The following ANGPTL5 variants were observed in gnomAD, a reference collection of about 807,000 sequenced individuals.
The protein encoded by ANGPTL5 is angiopoietin-related protein 5.
Under a neutral mutation model 39.4 loss-of-function variants are expected in ANGPTL5, and 34 were observed. The ratio of observed to expected loss-of-function variants is 0.86; its 90% CI spans 0.66 to 1.15. The LOEUF is 1.15. Ranked by LOEUF, ANGPTL5 falls within the 50% of genes most tolerant of loss-of-function variation. ANGPTL5 has a pLI of 0.00. For missense variants in ANGPTL5, 467 were observed against 457.5 expected (o/e 1.02, Z -0.19); for synonymous variants, 146 against 152.1 (o/e 0.96, Z 0.29).
At position 101,915,119 on chromosome 11, in the gene ANGPTL5, G is replaced by C. The variant is rs1940171529; in HGVS notation, c.-93+900C>G. 3.8e-6 allele frequency: 4 copies of C among 1,055,922 alleles called. No individual in the cohort carries two copies. In the African/African-American group the frequency reaches 6.4e-5, roughly 17 times the overall value. 65.4% of individuals were successfully genotyped at this position (1,055,922 alleles called of 1,614,324 possible). ...GCTGCCATCGCCGCTACAGGCACCA[G>C]TGCCGCTGCGCGGGAGCTAGGGCTG... On this transcript the variant is annotated intron_variant, in intron 1 of 8. Coordinates refer to ENST00000334289, the MANE Select transcript of ANGPTL5 (RefSeq NM_178127.5).
chr11:101,916,396 T>C lies in ANGPTL5; in HGVS notation c.-470A>G, dbSNP rs1416467106. The C allele has an allele frequency of 6.6e-6, 1 of 152,214 alleles. No individual in the cohort carries two copies. Among genetic ancestry groups the C allele is most frequent in the Non-Finnish European group, 1.5e-5 (1 of 68,024 alleles). 9.4% of individuals were successfully genotyped at this position (152,214 alleles called of 1,614,324 possible). A position where few individuals can be genotyped will look rare whatever the true frequency, so the allele number is the denominator to read the frequency against. On this transcript the variant is annotated 5_prime_UTR_variant, in exon 1 of 9. Transcript: ENST00000334289. ...GAGGAAGACAAATGTGTATAGAGCT[T>C]CACTAAAAGTAAAATATCTCTTCTC... is the stretch of plus-strand genomic sequence containing the variant.
In ANGPTL5 at chr11:101,891,013, A is replaced by C. The variant is rs190380747; in HGVS notation, c.*266T>G. 943 of 261,624 alleles carry C rather than the reference A, an allele frequency of 3.6e-3. 2 individuals are homozygous for C. The highest frequency in any genetic ancestry group is 5.4e-3 in the Non-Finnish European group (741 of 138,250). 16.2% of individuals were successfully genotyped at this position (261,624 alleles called of 1,614,324 possible). A position where few individuals can be genotyped will look rare whatever the true frequency, so the allele number is the denominator to read the frequency against. ...GGCAAAATCCTTTAAAATCACTATA[A>C]ATTTTAGGAAGACAAGTTGTAGTTC... On this transcript the variant is annotated 3_prime_UTR_variant, in exon 9 of 9. Transcript: ENST00000334289.
intron 5 of ANGPTL5, 141 bp downstream of exon 5, chr11:101,904,673 T>A (rs1187327601): frequency 1.1e-5 from 8 of 701,908 alleles, no homozygotes; most frequent in Non-Finnish European, 1.5e-5. Flanking sequence ...ATTTGCTTAA[T>A]AGCAGGTATT....
At chr11:101,914,378 C>G (rs188407356) in intron 1 of ANGPTL5, among the ~76,000 whole-genome samples, 15 of 152,322 alleles carry the variant, frequency 9.8e-5, no homozygotes, top group Admixed American at 3.3e-4. Flanking sequence ...AAAACCATTT[C>G]AATGCGATGA....
At position 101,891,434 on chromosome 11, in the gene ANGPTL5, A is replaced by G. The variant is rs767499869; in HGVS notation, c.1012T>C (p.Cys338Arg). Residue 338 changes from cysteine (C) to arginine (R), a missense_variant, in exon 9 of 9, where the codon TGT (cysteine) becomes CGT (arginine). Coordinates refer to ENST00000334289, the MANE Select transcript of ANGPTL5 (RefSeq NM_178127.5). Reference protein sequence around the residue: ...HNKTGWWFNECGLANLNGIHH... With the variant: ...HNKTGWWFNERGLANLNGIHH... ...ATGCCATTTAGATTTGCTAGACCAC[A>G]CTCGTTAAACCACCAGCCGGTCTTG... is the stretch of plus-strand genomic sequence containing the variant. 6.2e-7 allele frequency: 1 copy of G among 1,613,828 alleles called. No homozygotes were observed. The highest frequency in any genetic ancestry group is 8.5e-7 in the Non-Finnish European group (1 of 1,179,970).
chr11:101,906,976 T>G, intron 3 of ANGPTL5, 127 bp downstream of exon 3: 1 of 696,940 alleles, frequency 1.4e-6, no homozygotes, highest in Non-Finnish European at 2.3e-6. Flanking sequence ...ACAATAAAGC[T>G]TCTGGCCTAG....
At chr11:101,905,351 C>T (rs992172342) in intron 4 of ANGPTL5, among the ~76,000 whole-genome samples, 2 of 152,174 alleles carry the variant, frequency 1.3e-5, no homozygotes, top group African/African-American at 4.8e-5. Context: ...AGCCACTCCA[C>T]CCTGTACCAA....
At chr11:101,911,455 C>A (rs1279821248) in intron 1 of ANGPTL5, among the ~76,000 whole-genome samples, 1 of 152,050 alleles carries the variant, frequency 6.6e-6, no homozygotes, top group African/African-American at 2.4e-5. Flanking sequence ...AAACTGTAAT[C>A]CCCAATGTTG....
intron 1 of ANGPTL5, 37 bp downstream of exon 1, chr11:101,915,982 T>G (rs563593316): frequency 6.6e-6 from 1 of 152,398 alleles, no homozygotes; most frequent in African/African-American, 2.4e-5. Flanking sequence ...CAATCTGGAT[T>G]AACTCTGACT....
chr11:101,908,140 C>A, intron 1 of ANGPTL5, 139 bp from the exon 2 acceptor site: 1 of 409,816 alleles, frequency 2.4e-6, no homozygotes, highest in Non-Finnish European at 4.5e-6. Flanking sequence ...TTTTTTATCA[C>A]TTCATGTCTG....
rs1939759505 is a variant in ANGPTL5, at chr11:101,894,694, G to A, written c.847+185C>T. On this transcript the variant is annotated intron_variant, in intron 8 of 8. Transcript: ENST00000334289. ...AGACTATAAAGCACTTCAGAAGCATGAGGTAGTACAATGATCATAACAAAG... is the reference window on the plus strand; with the variant it reads ...AGACTATAAAGCACTTCAGAAGCATAAGGTAGTACAATGATCATAACAAAG... Among the ~76,000 whole-genome samples the A allele has an allele frequency of 3.3e-5, 5 of 152,306 alleles. No homozygotes were observed. The South Asian group carries it at 1.0e-3, about 32-fold the overall frequency.
intron 5 of ANGPTL5, among the ~76,000 whole-genome samples, chr11:101,903,412 T>C (rs2137059226): frequency 6.6e-6 from 1 of 152,314 alleles, no homozygotes; most frequent in African/African-American, 2.4e-5. Context: ...GCATCTTTTA[T>C]AAGTGAAATA....
At chr11:101,915,273 C>G in intron 1 of ANGPTL5, 1 of 1,613,236 alleles carries the variant, frequency 6.2e-7, no homozygotes, top group Non-Finnish European at 8.5e-7. Context: ...ACAGGCGGCG[C>G]TGAAGTGAAG....
At chr11:101,900,360 C>T in intron 7 of ANGPTL5, 70 bp downstream of exon 7, 1 of 1,490,274 alleles carries the variant, frequency 6.7e-7, no homozygotes, top group South Asian at 1.1e-5. Flanking sequence ...CAGATCTGAC[C>T]AATAGAGGCT....
intron 4 of ANGPTL5, among the ~76,000 whole-genome samples, chr11:101,905,437 T>C (rs1413621283): frequency 1.3e-5 from 2 of 152,192 alleles, no homozygotes; most frequent in Non-Finnish European, 2.9e-5. Flanking sequence ...CATTTATTCA[T>C]CCTTCATGAC....
rs1054162795 is a variant in ANGPTL5 at position 101,916,364 on chromosome 11, A to G, written c.-438T>C. 12 of 152,226 alleles carry G rather than the reference A, an allele frequency of 7.9e-5. No homozygotes were observed. The highest frequency in any genetic ancestry group is 2.9e-4 in the African/African-American group (12 of 41,464). The allele number at this position is 152,226 out of a possible 1,614,324, so 9.4% of individuals were successfully genotyped here. On this transcript the variant is annotated 5_prime_UTR_variant, in exon 1 of 9. Transcript: ENST00000334289. ...TCTGTTCTAGGTTCTAGGGATACAAATCTAGTGAGGAAGACAAATGTGTAT... is the reference window on the plus strand; with the variant it reads ...TCTGTTCTAGGTTCTAGGGATACAAGTCTAGTGAGGAAGACAAATGTGTAT...
chr11:101,907,977 G>T lies in ANGPTL5; in HGVS notation c.-68C>A. 8.5e-7 allele frequency: 1 copy of T among 1,181,724 alleles called. No individual in the cohort carries two copies. The highest frequency in any genetic ancestry group is 1.2e-6 in the Non-Finnish European group (1 of 800,984). The allele number at this position is 1,181,724 out of a possible 1,614,324, so 73.2% of individuals were successfully genotyped here. On this transcript the variant is annotated 5_prime_UTR_variant, in exon 2 of 9. Transcript: ENST00000334289. The stretch of plus-strand genomic sequence containing the variant: ...AGCTCTTTGTGGAAAGAACTACAGA[G>T]CATAGAGTCTTCAGTTAAAAACCTC...
At chr11:101,894,311 AC>A (rs1435774504) in intron 8 of ANGPTL5, among the ~76,000 whole-genome samples, 1 of 152,244 alleles carries the variant, frequency 6.6e-6, no homozygotes, top group Non-Finnish European at 1.5e-5. Context: ...AAATGCCTTT[AC>A]ATTTTCAGCA....
chr11:101,902,344 C>T (rs1455178109), intron 6 of ANGPTL5, among the ~76,000 whole-genome samples: 3 of 152,092 alleles, frequency 2.0e-5, no homozygotes, highest in African/African-American at 7.2e-5. Flanking sequence ...GAGGATAATA[C>T]AAGCTTTTGC....
Sources: gnomAD v4.1 joint callset for allele counts (sites outside exome capture counted in the v4.1 genomes callset) on GRCh38, gnomAD v4.1.1 for gene constraint, MANE v1.5 for transcripts, NCBI Gene and HGNC (gene_info 2026-07-23, HGNC 2026-07-21) for gene names.